Variants in DENND1A observed in about 807,000 individuals in gnomAD.
DENND1A encodes DENN domain containing 1A.
Under a neutral mutation model 113.7 loss-of-function variants are expected in DENND1A, and 51 were observed. The observed-to-expected ratio is 0.45, with a 90% CI of 0.36 to 0.57. DENND1A has a LOEUF of 0.57. DENND1A is among the 20% of genes least tolerant of loss of function. The pLI, the probability that DENND1A is intolerant of heterozygous loss-of-function variation, is 0.00. For missense variants in DENND1A, 1,258 were observed against 1,395.9 expected (o/e 0.90, Z 1.57); for synonymous variants, 565 against 570.8 (o/e 0.99, Z 0.14).
At chr9:123,556,255 C>G (rs192734289) in intron 13 of DENND1A, among the ~76,000 whole-genome samples, 3 of 152,136 alleles carry the variant, frequency 2.0e-5, no homozygotes, top group Admixed American at 1.3e-4. Flanking sequence ...GAGAGTAAGG[C>G]CTAAGTGCTA....
At chr9:123,579,864 C>G (rs897052742) in intron 12 of DENND1A, among the ~76,000 whole-genome samples, 1 of 152,156 alleles carries the variant, frequency 6.6e-6, no homozygotes, top group Non-Finnish European at 1.5e-5. Context: ...CAGACCACAT[C>G]TCCCCCCATT....
At chr9:123,626,356 G>T (rs933242036) in intron 10 of DENND1A, among the ~76,000 whole-genome samples, 20 of 152,072 alleles carry the variant, frequency 1.3e-4, no homozygotes, top group African/African-American at 4.8e-4. Context: ...TGTGTGTCTG[G>T]GGGGAGAGGG....
At chr9:123,654,100 T>C (rs532789573) in intron 8 of DENND1A, among the ~76,000 whole-genome samples, 1 of 152,014 alleles carries the variant, frequency 6.6e-6, no homozygotes, top group Non-Finnish European at 1.5e-5. Context: ...AGTCAACCAG[T>C]GTATCTTGGT....
At chr9:123,836,621 T>C (rs866329885) in intron 2 of DENND1A, among the ~76,000 whole-genome samples, 24 of 152,166 alleles carry the variant, frequency 1.6e-4, no homozygotes, top group African/African-American at 5.3e-4. Context: ...TATCTCATAT[T>C]AGAGAATTTT....
chr9:123,851,831 C>T (rs1317676108), intron 2 of DENND1A, among the ~76,000 whole-genome samples: 3 of 152,118 alleles, frequency 2.0e-5, no homozygotes, highest in Non-Finnish European at 4.4e-5. Context: ...AGGCTGTTGA[C>T]TCACTAAACT....
Position 123,865,678 on chromosome 9 carries a change from T to C in DENND1A, c.88+13273A>G, listed in dbSNP as rs115059761. On this transcript the variant is annotated intron_variant, in intron 2 of 23. Transcript: ENST00000394215. ...GCCCTGTGCTTAATTCTTTAAATAC[T>C]GTGTTTCTGAATCCTCAAATGTGAT... Among the ~76,000 whole-genome samples, 361 of 152,386 alleles carry C rather than the reference T, an allele frequency of 2.4e-3. 2 individuals carry two copies. Among genetic ancestry groups the C allele is most frequent in the African/African-American group, 8.4e-3 (351 of 41,596 alleles).
At chr9:123,442,104 C>T (rs542407109) in intron 18 of DENND1A, among the ~76,000 whole-genome samples, 1 of 152,298 alleles carries the variant, frequency 6.6e-6, no homozygotes, top group South Asian at 2.1e-4. Context: ...ATAGGAATTA[C>T]CATATTACTA....
chr9:123,582,456 G>A (rs1260352742), intron 12 of DENND1A, among the ~76,000 whole-genome samples: 1 of 151,314 alleles, frequency 6.6e-6, no homozygotes. Context: ...CTGGAGTGCA[G>A]TGGCACGATC....
intron 2 of DENND1A, among the ~76,000 whole-genome samples, chr9:123,847,860 G>A (rs1234089808): frequency 1.3e-5 from 2 of 152,202 alleles, no homozygotes; most frequent in African/African-American, 4.8e-5. Flanking sequence ...GTTTGAACCA[G>A]GAGGCGGAGG....
At chr9:123,711,517 A>ATATATATATATATATATGTATATATG (rs2066621301) in intron 5 of DENND1A, among the ~76,000 whole-genome samples, 1 of 85,312 alleles carries the variant, frequency 1.2e-5, no homozygotes, top group African/African-American at 9.4e-5. Flanking sequence ...ATATATGTAT[A>ATATATATATATATATATGTATATATG]TATATATATA....
intron 13 of DENND1A, among the ~76,000 whole-genome samples, chr9:123,511,222 G>C (rs1016255485): frequency 1.3e-5 from 2 of 152,218 alleles, no homozygotes; most frequent in African/African-American, 4.8e-5. Flanking sequence ...TAAGGGCTCA[G>C]ATGTCTGAGG....
chr9:123,847,762 T>C (rs773429440), intron 2 of DENND1A, among the ~76,000 whole-genome samples: 8 of 152,052 alleles, frequency 5.3e-5, no homozygotes, highest in African/African-American at 7.2e-5. Context: ...TGGCAAAACC[T>C]TGTCTCTACC....
chr9:123,419,311 G>C (rs1031948574), intron 19 of DENND1A, among the ~76,000 whole-genome samples: 1 of 152,220 alleles, frequency 6.6e-6, no homozygotes, highest in East Asian at 1.9e-4. Context: ...TGTGTGCATT[G>C]TGTACTCTGA....
chr9:123,524,032 G>A (rs1001817020), intron 13 of DENND1A, among the ~76,000 whole-genome samples: 1 of 152,194 alleles, frequency 6.6e-6, no homozygotes, highest in Non-Finnish European at 1.5e-5. Flanking sequence ...TGTGGTATTA[G>A]AGAAAAAGAG....
chr9:123,862,987 A>G (rs922180031), intron 2 of DENND1A, among the ~76,000 whole-genome samples: 34 of 152,234 alleles, frequency 2.2e-4, no homozygotes, highest in African/African-American at 7.7e-4. Flanking sequence ...TGAAAATAGG[A>G]TTGTGATGGA....
intron 20 of DENND1A, among the ~76,000 whole-genome samples, chr9:123,410,659 G>A (rs564410272): frequency 1.4e-3 from 207 of 152,282 alleles, no homozygotes; most frequent in African/African-American, 4.7e-3. Flanking sequence ...TGGATGCTGG[G>A]TGCATCTCCC....
At chr9:123,464,503 G>A (rs1426603255) in intron 13 of DENND1A, among the ~76,000 whole-genome samples, 1 of 152,170 alleles carries the variant, frequency 6.6e-6, no homozygotes, top group Non-Finnish European at 1.5e-5. Flanking sequence ...AACGCTGCAT[G>A]GTTCCACTTG....
chr9:123,579,870 C>G (rs1381549262), intron 12 of DENND1A, among the ~76,000 whole-genome samples: 1 of 152,152 alleles, frequency 6.6e-6, no homozygotes, highest in East Asian at 1.9e-4. Context: ...ACATCTCCCC[C>G]CATTACAATC....
intron 5 of DENND1A, chr9:123,751,819 C>T (rs2070067688): frequency 1.3e-5 from 2 of 152,256 alleles, no homozygotes; most frequent in South Asian, 4.1e-4. Flanking sequence ...CCCACTCATT[C>T]TGCAAGACTC....
Sources: gnomAD v4.1 joint callset for allele counts (sites outside exome capture counted in the v4.1 genomes callset) on GRCh38, gnomAD v4.1.1 for gene constraint, MANE v1.5 for transcripts, NCBI Gene and HGNC (gene_info 2026-07-23, HGNC 2026-07-21) for gene names.